ZNF69: variants seen among roughly 807,000 people sequenced by gnomAD.
ZNF69 encodes zinc finger protein 69.
In ZNF69, 47 loss-of-function variants were observed where a neutral mutation model predicts 50.9. The observed-to-expected ratio is 0.92, with a 90% CI of 0.73 to 1.18. The LOEUF is 1.18. Among genes scored for constraint, ZNF69 ranks in the 50% most tolerant of loss-of-function variants. ZNF69 has a pLI of 0.00. For missense variants in ZNF69, 717 were observed against 675.1 expected (o/e 1.06, Z -0.69); for synonymous variants, 216 against 223.1 (o/e 0.97, Z 0.29).
chr19:11,933,805 A>G, the ZNF69 span, among the ~76,000 whole-genome samples: 1 of 145,170 alleles, frequency 6.9e-6, no homozygotes, highest in African/African-American at 2.8e-5. Flanking sequence ...AGATGGCGCC[A>G]CTGCACTCTA....
chr19:11,977,658 A>G, the ZNF69 span, among the ~76,000 whole-genome samples: 2 of 152,224 alleles, frequency 1.3e-5, no homozygotes, highest in Non-Finnish European at 2.9e-5. Flanking sequence ...CAGCAGTTCA[A>G]GAACAGCCTG....
chr19:11,977,479 T>C, the ZNF69 span: 2 of 1,591,102 alleles, frequency 1.3e-6, no homozygotes, highest in Non-Finnish European at 1.7e-6. Flanking sequence ...GATTTTAGTA[T>C]ATGATAATAT....
chr19:11,953,434 A>G, the ZNF69 span: 2 of 152,236 alleles, frequency 1.3e-5, no homozygotes, highest in Admixed American at 6.5e-5. Flanking sequence ...CACTAATTTT[A>G]GAAGGCAGTG....
At chr19:11,945,596 G>A in the ZNF69 span, among the ~76,000 whole-genome samples, 4 of 152,124 alleles carry the variant, frequency 2.6e-5, no homozygotes, top group East Asian at 1.9e-4. Flanking sequence ...CTGTAGGTAC[G>A]GGGGTTTGGT....
At chr19:11,946,966 C>A in the ZNF69 span, 1 of 934,460 alleles carries the variant, frequency 1.1e-6, no homozygotes, top group Non-Finnish European at 1.4e-6. Context: ...CCAGCCTGGG[C>A]AACAAGAGTG....
the ZNF69 span, among the ~76,000 whole-genome samples, chr19:11,941,961 G>T: frequency 9.5e-6 from 1 of 105,764 alleles, no homozygotes; most frequent in African/African-American, 3.8e-5. Context: ...GTTGTATAGT[G>T]GTTGAATCTG....
chr19:11,898,421 C>T (rs999145058), intron 1 of ZNF69, among the ~76,000 whole-genome samples: 5 of 131,012 alleles, frequency 3.8e-5, no homozygotes, highest in Admixed American at 8.4e-5. Flanking sequence ...GACAGAATCT[C>T]GCTCTGTTGC....
downstream of ZNF69, among the ~76,000 whole-genome samples, chr19:11,917,789 C>CTTTTTTTTTTTTTT (rs74965943): frequency 9.0e-6 from 1 of 110,726 alleles, no homozygotes; most frequent in African/African-American, 3.9e-5. Context: ...CCACACCCTG[C>CTTTTTTTTTTTTTT]TTTTTTTTTT....
chr19:11,888,366 C>T (rs117657024), intron 1 of ZNF69, among the ~76,000 whole-genome samples: 2,822 of 152,326 alleles, frequency 0.019, 38 homozygotes, highest in Non-Finnish European at 0.028. Context: ...CACTTTTTCT[C>T]CTGTTAAAAA....
the ZNF69 span, among the ~76,000 whole-genome samples, chr19:11,933,922 C>T: frequency 2.0e-5 from 3 of 147,464 alleles, 1 homozygote; most frequent in African/African-American, 5.3e-5. Flanking sequence ...GTGATCCTCC[C>T]ACCTCAGCTT....
chr19:11,979,116 G>A, the ZNF69 span: 1 of 1,613,320 alleles, frequency 6.2e-7, no homozygotes, highest in Non-Finnish European at 8.5e-7. Flanking sequence ...ATAAATGTTA[G>A]ATATGTGGGA....
intron 1 of ZNF69, among the ~76,000 whole-genome samples, chr19:11,892,891 G>A (rs1025885823): frequency 6.6e-6 from 1 of 152,188 alleles, no homozygotes; most frequent in African/African-American, 2.4e-5. Context: ...TTGGAGTGCA[G>A]TGACATCATC....
At chr19:11,917,679 C>A (rs1167018211), downstream of ZNF69, among the ~76,000 whole-genome samples, 3 of 152,102 alleles carry the variant, frequency 2.0e-5, no homozygotes, top group Admixed American at 2.0e-4. Flanking sequence ...CACTCTGTGG[C>A]CAAGGCTGGA....
chr19:11,927,110 T>C, the ZNF69 span, among the ~76,000 whole-genome samples: 17 of 152,270 alleles, frequency 1.1e-4, no homozygotes, highest in Middle Eastern at 6.8e-3. Flanking sequence ...CCAAGCACTT[T>C]GGGAGGCCAA....
Position 11,905,796 on chromosome 19 carries a change from A to G in ZNF69, c.1399A>G (p.Thr467Ala), listed in dbSNP as rs778362602. ...CCTTCAAAGTCATGAAAGGACACAA[A>G]CACACGTAAGAATACACTCTGGAGA... ...KNLQSHERTQ[T>A]HVRIHSGERP... The change falls in exon 4 of 4, where the codon ACA becomes GCA. Residue 467 changes from threonine to alanine, a missense_variant. Transcript: ENST00000429654. The G allele has an allele frequency of 1.1e-5, 18 of 1,613,628 alleles. No homozygotes were observed. In the African/African-American group the frequency reaches 2.3e-4, roughly 20 times the overall value.
rs199637757 is a variant in ZNF69 at position 11,903,584 on chromosome 19, C to T, written c.75C>T (p.Ala25=). ...GTGAGATGTTTCAGGACCCAGTGGC[C>T]TTTGATGATGTTGCTGTGAACTTCA... ...TSESQEMDPV[A]FDDVAVNFTQ... is the part of the protein sequence containing the mutation. The change falls in exon 2 of 4, where the codon GCC becomes GCT. Residue 25 remains alanine, a synonymous_variant. Transcript: ENST00000429654. The T allele has an allele frequency of 6.2e-6, 10 of 1,614,084 alleles. No homozygotes were observed. The highest frequency in any genetic ancestry group is 2.2e-5 in the East Asian group (1 of 44,872).
chr19:11,974,070 TTTCTTTC>T, the ZNF69 span, among the ~76,000 whole-genome samples: 1 of 58,776 alleles, frequency 1.7e-5, no homozygotes, highest in African/African-American at 6.1e-5. Context: ...CCTTCTTTCT[TTTCTTTC>T]TTTCTTTCTT....
downstream of ZNF69, among the ~76,000 whole-genome samples, chr19:11,917,412 G>A (rs972358734): frequency 5.9e-5 from 9 of 152,278 alleles, no homozygotes; most frequent in Non-Finnish European, 7.4e-5. Flanking sequence ...TTTTCTGACT[G>A]CTCACATTTC....
the ZNF69 span, among the ~76,000 whole-genome samples, chr19:11,944,775 G>A: frequency 6.6e-6 from 1 of 152,204 alleles, no homozygotes; most frequent in Non-Finnish European, 1.5e-5. Context: ...GCATTGTGTT[G>A]TTGGCAGGTA....
Sources: allele counts gnomAD v4.1 joint callset (sites outside exome capture counted in the v4.1 genomes callset), GRCh38; gene constraint gnomAD v4.1.1; transcripts MANE v1.5; gene names NCBI Gene and HGNC (gene_info 2026-07-23, HGNC 2026-07-21).